Variants in STYXL2 observed in about 807,000 individuals in gnomAD.
STYXL2 encodes serine/threonine/tyrosine-interacting-like protein 2.
STYXL2 carries 44 observed loss-of-function variants against 52.4 expected under a neutral mutation model. The ratio of observed to expected loss-of-function variants is 0.84; its 90% CI spans 0.66 to 1.08. The LOEUF is 1.08. Among genes scored for constraint, STYXL2 ranks in the 50% least tolerant of loss-of-function variants. The pLI is 0.00. For missense variants in STYXL2, 1,604 were observed against 1,471.7 expected, an observed-to-expected ratio of 1.09 and a Z score of -1.47; for synonymous variants, 604 against 586.9, an observed-to-expected ratio of 1.03 and a Z score of -0.42.
chr1:167,117,561 T>C lies in STYXL2; in HGVS notation c.437+2T>C, dbSNP rs769973578. 1 of 1,586,588 alleles carries C rather than the reference T, an allele frequency of 6.3e-7. No individual in the cohort carries two copies. Among genetic ancestry groups the C allele is most frequent in the East Asian group, 2.3e-5 (1 of 43,702 alleles). On this transcript the variant is annotated splice_donor_variant, in intron 4 of 5. Transcript: ENST00000361200. LOFTEE classifies it high-confidence loss of function. ...GCCCAATGTCTTCATAGCTGAGAAG[T>C]GAGTCTGACTGCTCTTCATGACCCT...
rs777888567 is a variant in STYXL2 at position 167,127,768 on chromosome 1, T to G, written c.2637T>G (p.Asp879Glu). ...AGAAGAAGGTCAAGGAAGATGAGGA[T>G]GATGGTGTGGGTGATGGGGATGAGG... The part of the protein sequence containing the change: ...FKKKKVKEDE[D>E]DGVGDGDEDT... The change falls in exon 6 of 6, where the codon GAT becomes GAG. Residue 879 changes from aspartate (D) to glutamate (E), a missense_variant. Asp to Glu is a conservative substitution (Grantham distance 45, BLOSUM62 2). Coordinates refer to ENST00000361200, the MANE Select transcript of STYXL2 (RefSeq NM_001080426.3). 4.0e-5 allele frequency: 65 copies of G among 1,613,458 alleles called. No individual in the cohort carries two copies. Among genetic ancestry groups the G allele is most frequent in the Non-Finnish European group, 5.3e-5 (62 of 1,179,912 alleles).
At chr1:167,114,340 G>T (rs1667680643) in intron 3 of STYXL2, among the ~76,000 whole-genome samples, 1 of 152,156 alleles carries the variant, frequency 6.6e-6, no homozygotes, top group Admixed American at 6.5e-5. Context: ...TACTTATCTG[G>T]ATTAGATGAA....
chr1:167,114,817 T>C (rs866161991), intron 3 of STYXL2, among the ~76,000 whole-genome samples: 2 of 149,596 alleles, frequency 1.3e-5, no homozygotes, highest in Admixed American at 6.6e-5. Flanking sequence ...AGATATCTTG[T>C]CCCAAGATAT....
At chr1:167,122,033 C>T (rs1214377978) in intron 5 of STYXL2, among the ~76,000 whole-genome samples, 1 of 152,030 alleles carries the variant, frequency 6.6e-6, no homozygotes, top group East Asian at 1.9e-4. Flanking sequence ...CACCTGGCGC[C>T]GGCGTTTTAC....
chr1:167,116,929 C>T (rs1034430747), intron 3 of STYXL2, among the ~76,000 whole-genome samples: 3 of 152,172 alleles, frequency 2.0e-5, no homozygotes, highest in South Asian at 2.1e-4. Flanking sequence ...GGGTTACAGA[C>T]GTGAGCCACT....
At chr1:167,117,811 A>G (rs1005977469) in intron 4 of STYXL2, among the ~76,000 whole-genome samples, 1 of 152,226 alleles carries the variant, frequency 6.6e-6, no homozygotes, top group African/African-American at 2.4e-5. Context: ...TCCCTCAAGA[A>G]GGCCTCTGGG....
In STYXL2 at chr1:167,126,029, G is replaced by A. The variant is rs774660214; in HGVS notation, c.898G>A (p.Gly300Ser). The change falls in exon 6 of 6, where the codon GGC becomes AGC. Residue 300 changes from glycine to serine, a missense_variant. Gly to Ser is a moderately conservative substitution (Grantham distance 56). Coordinates refer to ENST00000361200, the MANE Select transcript of STYXL2 (RefSeq NM_001080426.3). ...ATCAGCTGAGGCTGAGGAGGGCGAG[G>A]GCACTGGGAGCATGCTCGGGGCCAG... ...GGSAEAEEGE[G>S]TGSMLGARVH... is the part of the protein sequence containing the mutation. 14 of 1,594,722 alleles carry A rather than the reference G, an allele frequency of 8.8e-6. No individual in the cohort carries two copies. Among genetic ancestry groups the A allele is most frequent in the Non-Finnish European group, 1.2e-5 (14 of 1,170,886 alleles).
At position 167,094,895 on chromosome 1, in the gene STYXL2, GA is replaced by G; in HGVS notation, c.47del (p.Glu16GlyfsTer7). On this transcript the variant is annotated frameshift_variant, in exon 2 of 6. Coordinates refer to ENST00000361200, the MANE Select transcript of STYXL2 (RefSeq NM_001080426.3). LOFTEE classifies it high-confidence loss of function. ...DTEEEQVVPS[E>X]EDEANVRAVQ... ...AGAGGAGGAGCAGGTAGTCCCAAGCGAGGAGGACGAAGCCAACGTGAGGGCG... is the reference window on the plus strand; with the variant it reads ...AGAGGAGGAGCAGGTAGTCCCAAGCGGGAGGACGAAGCCAACGTGAGGGCG... 16 of 1,613,336 alleles carry G rather than the reference GA, an allele frequency of 9.9e-6. No homozygotes were observed. Among genetic ancestry groups the G allele is most frequent in the Non-Finnish European group, 1.4e-5 (16 of 1,179,826 alleles).
intron 2 of STYXL2, among the ~76,000 whole-genome samples, chr1:167,097,637 T>C (rs2102219456): frequency 6.8e-6 from 1 of 147,272 alleles, no homozygotes; most frequent in South Asian, 2.1e-4. Context: ...GAAAAGAAAG[T>C]AGAGAAAAAG....
chr1:167,110,481 C>T (rs564989070), intron 2 of STYXL2, among the ~76,000 whole-genome samples: 4 of 152,212 alleles, frequency 2.6e-5, no homozygotes, highest in African/African-American at 9.6e-5. Flanking sequence ...AGAAATAATA[C>T]AGGATATGAA....
Position 167,127,321 on chromosome 1 carries a change from A to G in STYXL2, c.2190A>G (p.Val730=), listed in dbSNP as rs1667996982. The G allele has an allele frequency of 1.2e-6, 2 of 1,614,106 alleles. No homozygotes were observed. The highest frequency in any genetic ancestry group is 1.6e-4 in the Middle Eastern group (1 of 6,084). ...GTATCCAGAACTGGATTGCCAATGT[A>G]GTCAGTGAGACCCTTGCTCAGAAGC... The part of the protein sequence containing the change: ...IASIQNWIAN[V]VSETLAQKQN... Residue 730 remains valine, a synonymous_variant, in exon 6 of 6, where the codon GTA becomes GTG. Coordinates refer to ENST00000361200, the MANE Select transcript of STYXL2 (RefSeq NM_001080426.3).
At position 167,126,906 on chromosome 1, in the gene STYXL2, G is replaced by A. The variant is rs906677033; in HGVS notation, c.1775G>A (p.Trp592Ter). ...GTCAGCCTGACAGCCTACCAGGCCT[G>A]GAAGCTGAAACACCAGAAGAAGGTG... ...SDVSLTAYQA[W>*]KLKHQKKVGS... The change falls in exon 6 of 6, where the codon TGG becomes TAG. Residue 592 changes from tryptophan (W) to a stop codon, truncating the protein, a stop_gained. Transcript: ENST00000361200. LOFTEE classifies it low-confidence loss of function (END_TRUNC). 1 of 1,612,074 alleles carries A rather than the reference G, an allele frequency of 6.2e-7. No homozygotes were observed. The highest frequency in any genetic ancestry group is 8.5e-7 in the Non-Finnish European group (1 of 1,178,908).
chr1:167,104,908 G>T (rs536413314), intron 2 of STYXL2, among the ~76,000 whole-genome samples: 1 of 152,138 alleles, frequency 6.6e-6, no homozygotes, highest in African/African-American at 2.4e-5. Flanking sequence ...ACTACATTCC[G>T]TGTCTGGACA....
intron 5 of STYXL2, among the ~76,000 whole-genome samples, chr1:167,125,526 C>T (rs1342192257): frequency 6.6e-5 from 10 of 152,152 alleles, no homozygotes; most frequent in Admixed American, 2.0e-4. Context: ...CCCTCTGTTG[C>T]TCGGTTTGTG....
chr1:167,107,541 T>C (rs147457845), intron 2 of STYXL2, among the ~76,000 whole-genome samples: 76 of 152,360 alleles, frequency 5.0e-4, no homozygotes, highest in South Asian at 1.2e-3. Context: ...ACTACTGGTG[T>C]CCCAGTAAAA....
At chr1:167,099,908 G>A (rs10800283) in intron 2 of STYXL2, among the ~76,000 whole-genome samples, 48,428 of 152,092 alleles carry the variant, frequency 0.32, 8,041 homozygotes, top group African/African-American at 0.4. Flanking sequence ...TAGATAAATA[G>A]AGTCTGGCAT....
intron 2 of STYXL2, 100 bp from the exon 3 acceptor site, chr1:167,113,610 C>T (rs770487627): frequency 2.3e-5 from 21 of 900,156 alleles, no homozygotes; most frequent in Non-Finnish European, 3.5e-5. Flanking sequence ...CTCGTTGTTC[C>T]CCACTTGTTG....
chr1:167,114,628 C>G (rs1439801387), intron 3 of STYXL2, among the ~76,000 whole-genome samples: 16 of 152,220 alleles, frequency 1.1e-4, no homozygotes, highest in Admixed American at 1.0e-3. Context: ...TGGGTCTCCA[C>G]CAGGGTCTCT....
intron 2 of STYXL2, 96 bp from the exon 3 acceptor site, chr1:167,113,614 C>A (rs1667660615): frequency 8.5e-6 from 8 of 941,742 alleles, no homozygotes; most frequent in Non-Finnish European, 1.4e-5. Flanking sequence ...TTGTTCCCCA[C>A]TTGTTGCTAA....
Sources: allele counts gnomAD v4.1 joint callset (sites outside exome capture counted in the v4.1 genomes callset), GRCh38; gene constraint gnomAD v4.1.1; transcripts MANE v1.5; gene names NCBI Gene and HGNC (gene_info 2026-07-23, HGNC 2026-07-21).